The following AKNAD1 variants were observed in gnomAD, a reference collection of about 807,000 sequenced individuals.
AKNAD1 encodes the protein protein AKNAD1.
In AKNAD1, 67 loss-of-function variants were observed where a neutral mutation model predicts 90.8. That is an observed-to-expected ratio of 0.74 (90% CI 0.61 to 0.90). AKNAD1 has a LOEUF of 0.90. Ranked by LOEUF, AKNAD1 falls within the 40% of genes least tolerant of loss-of-function variation. The pLI, the probability that AKNAD1 is intolerant of heterozygous loss-of-function variation, is 0.00. For missense variants in AKNAD1, 957 were observed against 975.4 expected, an observed-to-expected ratio of 0.98 and a Z score of 0.25; for synonymous variants, 327 against 341.4, an observed-to-expected ratio of 0.96 and a Z score of 0.46.
chr1:108,840,344 C>T (rs1464322952), intron 6 of AKNAD1, among the ~76,000 whole-genome samples: 2 of 152,100 alleles, frequency 1.3e-5, no homozygotes, highest in Admixed American at 6.5e-5. Flanking sequence ...CGACAATACT[C>T]AGAACACTAT....
rs1663583832 is a variant in AKNAD1 at position 108,816,048 on chromosome 1, G to C, written c.*123C>G. On this transcript the variant is annotated 3_prime_UTR_variant, in exon 16 of 16. Coordinates refer to ENST00000370001, the MANE Select transcript of AKNAD1 (RefSeq NM_152763.5). ...TACTTTGTGTTACCCATTTCTTATGGTTTCTGTGTTTTCTCTAGAAAGTCA... is the reference window on the plus strand; with the variant it reads ...TACTTTGTGTTACCCATTTCTTATGCTTTCTGTGTTTTCTCTAGAAAGTCA... 9.5e-7 allele frequency: 1 copy of C among 1,049,876 alleles called. No individual in the cohort carries two copies. Among genetic ancestry groups the C allele is most frequent in the Non-Finnish European group, 1.3e-6 (1 of 773,472 alleles). The allele number at this position is 1,049,876 out of a possible 1,614,324, so 65.0% of individuals were successfully genotyped here. A position where few individuals can be genotyped will look rare whatever the true frequency, so the allele number is the denominator to read the frequency against.
chr1:108,853,022 C>G (rs1298062089), intron 1 of AKNAD1, among the ~76,000 whole-genome samples: 1 of 151,456 alleles, frequency 6.6e-6, no homozygotes, highest in Admixed American at 6.6e-5. Flanking sequence ...TGACATTAGT[C>G]TACAGTTAAT....
At chr1:108,839,345 T>C (rs943824068) in intron 6 of AKNAD1, among the ~76,000 whole-genome samples, 2 of 151,940 alleles carry the variant, frequency 1.3e-5, no homozygotes, top group African/African-American at 4.8e-5. Flanking sequence ...ACTTGGCGGA[T>C]GCTTGTAGTC....
chr1:108,844,358 A>ATC (rs1196254369), intron 5 of AKNAD1, among the ~76,000 whole-genome samples: 15 of 143,474 alleles, frequency 1.0e-4, no homozygotes, highest in East Asian at 6.0e-4. Context: ...GCGAGACTCC[A>ATC]TCTCTCTCTC....
chr1:108,843,098 G>T, intron 6 of AKNAD1, 36 bp downstream of exon 6: 1 of 1,608,498 alleles, frequency 6.2e-7, no homozygotes, highest in Non-Finnish European at 8.5e-7. Context: ...GATCACCTTT[G>T]ACCCTTCCAC....
intron 11 of AKNAD1, among the ~76,000 whole-genome samples, chr1:108,824,153 A>AC (rs1174285569): frequency 6.6e-6 from 1 of 152,214 alleles, no homozygotes; most frequent in Non-Finnish European, 1.5e-5. Context: ...CTATAAGGGA[A>AC]CCTGAATCAT....
In AKNAD1 at chr1:108,852,558, G is replaced by A; in HGVS notation, c.107C>T (p.Ser36Leu). 6.2e-7 allele frequency: 1 copy of A among 1,613,806 alleles called. No individual in the cohort carries two copies. Among genetic ancestry groups the A allele is most frequent in the Non-Finnish European group, 8.5e-7 (1 of 1,179,922 alleles). The change falls in exon 2 of 16, where the codon TCA becomes TTA. Residue 36 changes from serine (S) to leucine (L), a missense_variant. Coordinates refer to ENST00000370001, the MANE Select transcript of AKNAD1 (RefSeq NM_152763.5). ...IKIGNDYSFT[S>L]KKDGLEVLNQ... ...TAAGACTTCAAGGCCATCCTTTTTTGAGGTAAAACTGTAATCATTGCCTAT... is the reference window on the plus strand; with the variant it reads ...TAAGACTTCAAGGCCATCCTTTTTTAAGGTAAAACTGTAATCATTGCCTAT...
chr1:108,841,973 G>A lies in AKNAD1; in HGVS notation c.1379+1161C>T, dbSNP rs576856645. On this transcript the variant is annotated intron_variant, in intron 6 of 15. Transcript: ENST00000370001. ...TATAAATAAGACATTGAATAACTTTGGTCTTAATGTGCACAGAAACCTGTC... is the reference window on the plus strand; with the variant it reads ...TATAAATAAGACATTGAATAACTTTAGTCTTAATGTGCACAGAAACCTGTC... Among the ~76,000 whole-genome samples the A allele has an allele frequency of 4.6e-5, 7 of 152,152 alleles. No homozygotes were observed. In the South Asian group the frequency reaches 1.5e-3, roughly 32 times the overall value.
chr1:108,837,561 G>A lies in AKNAD1; in HGVS notation c.1525C>T (p.Leu509Phe), dbSNP rs1236968564. 6.2e-7 allele frequency: 1 copy of A among 1,614,030 alleles called. No homozygotes were observed. Among genetic ancestry groups the A allele is most frequent in the African/African-American group, 1.3e-5 (1 of 74,936 alleles). ...LDDLASTFSS[L>F]SNEIPKEHPG... The stretch of plus-strand genomic sequence containing the variant: ...CATTGCTGTATTACCTCATTTGAGA[G>A]TGAAGAGAAGGTGGAGGCCAAGTCA... Residue 509 changes from leucine (L) to phenylalanine (F), a missense_variant, in exon 7 of 16, where the codon CTC becomes TTC. Physicochemically the swap from Leu to Phe is conservative, Grantham distance 22. Transcript: ENST00000370001.
rs763977302 is a variant in AKNAD1 at position 108,854,942 on chromosome 1, C to A, written c.-104+1987G>T. 1.9e-4 allele frequency among the ~76,000 whole-genome samples: 29 copies of A among 152,164 alleles called. 1 individual carries two copies. The highest frequency in any genetic ancestry group is 6.5e-4 in the Admixed American group (10 of 15,286). On this transcript the variant is annotated intron_variant, in intron 1 of 15. Coordinates refer to ENST00000370001, the MANE Select transcript of AKNAD1 (RefSeq NM_152763.5). ...AGGACTAGCAATACCTGAAATAAGG[C>A]ACTAAAGTACTCGGCATAGGGCTTG...
intron 1 of AKNAD1, among the ~76,000 whole-genome samples, chr1:108,856,622 G>A (rs7550668): frequency 0.34 from 51,533 of 151,708 alleles, 9,874 homozygotes; most frequent in African/African-American, 0.52. Flanking sequence ...TGGAGGATCA[G>A]TTGAGCCCAG....
intron 5 of AKNAD1, among the ~76,000 whole-genome samples, chr1:108,847,114 A>G (rs368093329): frequency 2.0e-5 from 3 of 152,014 alleles, no homozygotes; most frequent in Admixed American, 1.3e-4. Context: ...CTGTGCCTTC[A>G]GCCTTGCCCC....
Position 108,852,592 on chromosome 1 carries a change from G to A in AKNAD1, c.73C>T (p.Gln25Ter). 1 of 1,611,872 alleles carries A rather than the reference G, an allele frequency of 6.2e-7. No individual in the cohort carries two copies. The highest frequency in any genetic ancestry group is 2.2e-5 in the East Asian group (1 of 44,870). Residue 25 changes from glutamine (Q) to a stop codon, truncating the protein, a stop_gained, in exon 2 of 16, where the codon CAG becomes TAG. Transcript: ENST00000370001. LOFTEE classifies it high-confidence loss of function. ...EDLPYDGDLS[Q>*]IKIGNDYSFT... ...CTGTAATCATTGCCTATCTTAATCT[G>A]AGAGAGGTCCCCATCATAAGGCAAA...
At chr1:108,830,482 C>T (rs1029159628) in intron 10 of AKNAD1, 77 bp downstream of exon 10, 19 of 1,399,010 alleles carry the variant, frequency 1.4e-5, no homozygotes, top group Non-Finnish European at 1.6e-5. Flanking sequence ...AGTTAGTTGC[C>T]GCCCACTCTC....
At chr1:108,829,508 A>C (rs1189933569) in intron 10 of AKNAD1, among the ~76,000 whole-genome samples, 1 of 152,256 alleles carries the variant, frequency 6.6e-6, no homozygotes, top group Non-Finnish European at 1.5e-5. Context: ...TGACTCAGTG[A>C]GTAAGCTTCA....
At chr1:108,837,482 T>C in intron 7 of AKNAD1, 68 bp downstream of exon 7, 1 of 1,426,314 alleles carries the variant, frequency 7.0e-7, no homozygotes, top group Admixed American at 2.1e-5. Context: ...ATCCATGAAT[T>C]AGGAGTCTAT....
intron 5 of AKNAD1, among the ~76,000 whole-genome samples, chr1:108,847,655 T>G (rs1664741038): frequency 1.3e-5 from 2 of 152,014 alleles, no homozygotes; most frequent in South Asian, 4.2e-4. Context: ...CCTGTGCCAT[T>G]GCACCTGCTG....
intron 6 of AKNAD1, among the ~76,000 whole-genome samples, chr1:108,840,336 A>G (rs753730698): frequency 6.6e-6 from 1 of 152,198 alleles, no homozygotes; most frequent in African/African-American, 2.4e-5. Flanking sequence ...ACATCTGTCG[A>G]CAATACTCAG....
chr1:108,845,556 C>T (rs900026565), intron 5 of AKNAD1, among the ~76,000 whole-genome samples: 1 of 152,222 alleles, frequency 6.6e-6, no homozygotes, highest in Admixed American at 6.5e-5. Context: ...TTCCCTTAGC[C>T]TTGCCCACAC....
Sources: allele counts gnomAD v4.1 joint callset (sites outside exome capture counted in the v4.1 genomes callset), GRCh38; gene constraint gnomAD v4.1.1; transcripts MANE v1.5; gene names NCBI Gene and HGNC (gene_info 2026-07-23, HGNC 2026-07-21).